The following FAAH2 variants were observed in gnomAD, a reference collection of about 807,000 sequenced individuals.
FAAH2 encodes fatty acid amide hydrolase 2, also known as fatty-acid amide hydrolase 2.
Under a neutral mutation model 36.9 loss-of-function variants are expected in FAAH2, and 60 were observed. The ratio of observed to expected loss-of-function variants is 1.63; its 90% CI spans 1.32 to 2.02. The LOEUF (loss-of-function observed/expected upper bound fraction) is 2.02. Ranked by LOEUF, FAAH2 falls within the 30% of genes most tolerant of loss-of-function variation. The pLI, the probability that FAAH2 is intolerant of heterozygous loss-of-function variation, is 0.00. For synonymous variants in FAAH2, 214 were observed against 143.8 expected (o/e 1.49, Z -3.49); for missense variants, 689 against 397.5 (o/e 1.73, Z -6.23).
chrX:57,144,998 T>G, the FAAH2 span, among the ~76,000 whole-genome samples: 2 of 111,174 alleles, frequency 1.8e-5, no homozygotes, highest in Non-Finnish European at 3.8e-5. Context: ...TGGTTCCACA[T>G]TTTTGCAATT....
chrX:57,168,800 A>G, the FAAH2 span, among the ~76,000 whole-genome samples: 32,024 of 110,905 alleles, frequency 0.29, 3,609 homozygotes, highest in Middle Eastern at 0.58. Flanking sequence ...GTATTATTAC[A>G]TGCATTTTAT....
intron 7 of FAAH2, among the ~76,000 whole-genome samples, chrX:57,387,072 G>A (rs1011011198): frequency 2.7e-5 from 3 of 111,692 alleles, no homozygotes; most frequent in African/African-American, 9.8e-5. Context: ...TTCCATAAGA[G>A]AAATTTTATA....
the FAAH2 span, among the ~76,000 whole-genome samples, chrX:57,182,061 C>T: frequency 8.9e-6 from 1 of 111,840 alleles, no homozygotes; most frequent in Non-Finnish European, 1.9e-5. Flanking sequence ...CTTCCTTACA[C>T]TATATACAAA....
the FAAH2 span, among the ~76,000 whole-genome samples, chrX:57,179,747 C>T: frequency 6.3e-5 from 7 of 111,603 alleles, no homozygotes; most frequent in Non-Finnish European, 9.4e-5. Context: ...AGGACCTGAA[C>T]CCAGCACTGG....
the FAAH2 span, among the ~76,000 whole-genome samples, chrX:57,252,104 G>T: frequency 1.8e-5 from 2 of 112,771 alleles, no homozygotes; most frequent in Non-Finnish European, 3.8e-5. Flanking sequence ...CACCCACAGA[G>T]CCTTGCTCGC....
intron 2 of FAAH2, 60 bp downstream of exon 2, chrX:57,292,640 T>G (rs2052019893): frequency 1.1e-6 from 1 of 939,412 alleles, no homozygotes; most frequent in Non-Finnish European, 1.5e-6. Flanking sequence ...ACTTCTGTGG[T>G]CATGCCACCT....
intron 1 of FAAH2, among the ~76,000 whole-genome samples, chrX:57,290,760 A>G (rs1170240735): frequency 9.0e-6 from 1 of 111,488 alleles, no homozygotes; most frequent in East Asian, 2.8e-4. Flanking sequence ...TACCTTATAT[A>G]TTGTCTTACT....
the FAAH2 span, among the ~76,000 whole-genome samples, chrX:57,133,994 G>A: frequency 2.7e-5 from 3 of 111,273 alleles, no homozygotes; most frequent in East Asian, 2.8e-4. Flanking sequence ...GCAGCAGGGC[G>A]TCACCAGCAC....
chrX:57,345,097 G>T (rs2053785253), intron 5 of FAAH2, among the ~76,000 whole-genome samples: 1 of 103,348 alleles, frequency 9.7e-6, no homozygotes, highest in Non-Finnish European at 1.9e-5. Flanking sequence ...TTTCTAGAAT[G>T]AGTTAAAGAG....
intron 7 of FAAH2, among the ~76,000 whole-genome samples, chrX:57,427,194 A>G (rs1053168819): frequency 9.0e-6 from 1 of 110,954 alleles, no homozygotes; most frequent in African/African-American, 3.3e-5. Flanking sequence ...ACGGAAAAAA[A>G]TAGAAATCAT....
At chrX:57,178,235 T>G in the FAAH2 span, among the ~76,000 whole-genome samples, 1 of 112,257 alleles carries the variant, frequency 8.9e-6, no homozygotes, top group Non-Finnish European at 1.9e-5. Context: ...CTAGTAGTAA[T>G]GTACTGGGCA....
At chrX:57,252,241 C>T in the FAAH2 span, among the ~76,000 whole-genome samples, 1 of 112,627 alleles carries the variant, frequency 8.9e-6, no homozygotes, top group Non-Finnish European at 1.9e-5. Context: ...CAGGGAAGCT[C>T]TAACAGAGCA....
the FAAH2 span, among the ~76,000 whole-genome samples, chrX:57,200,186 T>G: frequency 9.1e-6 from 1 of 110,378 alleles, no homozygotes; most frequent in African/African-American, 3.3e-5. Flanking sequence ...TTTTTTTTAA[T>G]GAAGGTGAAT....
chrX:57,149,433 G>T, the FAAH2 span, among the ~76,000 whole-genome samples: 2 of 111,626 alleles, frequency 1.8e-5, no homozygotes, highest in Admixed American at 1.9e-4. Flanking sequence ...CACAATTTCA[G>T]AGCCTGTTAT....
intron 9 of FAAH2, 37 bp from the exon 10 acceptor site, chrX:57,448,487 T>G (rs981487501): frequency 5.3e-6 from 6 of 1,136,756 alleles, no homozygotes; most frequent in Non-Finnish European, 7.1e-6. Flanking sequence ...AAAATGAAGT[T>G]TATTACCTTA....
intron 7 of FAAH2, among the ~76,000 whole-genome samples, chrX:57,387,441 A>G (rs1452203099): frequency 9.0e-6 from 1 of 111,470 alleles, no homozygotes; most frequent in Non-Finnish European, 1.9e-5. Context: ...AACCATAGCT[A>G]ACATATCAGC....
chrX:57,433,637 C>G (rs1468713782), intron 8 of FAAH2, among the ~76,000 whole-genome samples: 2 of 112,001 alleles, frequency 1.8e-5, no homozygotes, highest in Non-Finnish European at 3.8e-5. Context: ...CAATTCCACT[C>G]TCTTGTTTTA....
At chrX:57,275,071 A>G in the FAAH2 span, among the ~76,000 whole-genome samples, 2 of 112,051 alleles carry the variant, frequency 1.8e-5, no homozygotes. Flanking sequence ...AGGACACAAA[A>G]TCAATGTGCA....
At chrX:57,122,262 T>A in the FAAH2 span, among the ~76,000 whole-genome samples, 76 of 112,042 alleles carry the variant, frequency 6.8e-4, no homozygotes, top group African/African-American at 2.4e-3. Context: ...CTGCAATTCA[T>A]GTCTATTAAT....
Sources: gnomAD v4.1 joint callset for allele counts (sites outside exome capture counted in the v4.1 genomes callset) on GRCh38, gnomAD v4.1.1 for gene constraint, MANE v1.5 for transcripts, NCBI Gene and HGNC (gene_info 2026-07-23, HGNC 2026-07-21) for gene names.